USP7: variants seen among roughly 807,000 people sequenced by gnomAD.
USP7 encodes the protein ubiquitin C-terminal hydrolase 7.
A neutral mutation model predicts 162.9 loss-of-function variants in USP7; 9 were observed. That is an observed-to-expected ratio of 0.06 (90% CI 0.03 to 0.10). The LOEUF is 0.10. Among genes scored for constraint, USP7 ranks in the 10% least tolerant of loss-of-function variants. USP7 has a pLI of 1.00. For synonymous variants in USP7, 562 were observed against 475.9 expected, an observed-to-expected ratio of 1.18 and a Z score of -2.35; for missense variants, 715 against 1,373.7, an observed-to-expected ratio of 0.52 and a Z score of 7.58.
chr16:8,923,139 G>A, intron 3 of USP7, 76 bp downstream of exon 3: 2 of 1,144,906 alleles, frequency 1.7e-6, no homozygotes, highest in Non-Finnish European at 2.6e-6. Flanking sequence ...AGGCTATGTA[G>A]AGGCAGCAAA....
rs1419319278 is a variant in USP7, at chr16:8,920,401, G to C, written c.569C>G (p.Thr190Ser). The change falls in exon 5 of 31, where the codon ACC (threonine) becomes AGC (serine). Residue 190 changes from threonine to serine, a missense_variant. Thr to Ser is a moderately conservative substitution (Grantham distance 58, BLOSUM62 1). Coordinates refer to ENST00000344836, the MANE Select transcript of USP7 (RefSeq NM_003470.3). ...ATCCGCCTGTACAAAGACTTCAAAGGTAACTTTGTCATCATCTATAAATCC... is the reference window on the plus strand; with the variant it reads ...ATCCGCCTGTACAAAGACTTCAAAGCTAACTTTGTCATCATCTATAAATCC... Reference protein sequence around the residue: ...EKGFIDDDKVTFEVFVQADAP... With the variant: ...EKGFIDDDKVSFEVFVQADAP... 1.9e-6 allele frequency: 3 copies of C among 1,613,446 alleles called. No individual in the cohort carries two copies. Among genetic ancestry groups the C allele is most frequent in the African/African-American group, 1.3e-5 (1 of 74,892 alleles).
intron 1 of USP7, among the ~76,000 whole-genome samples, chr16:8,933,535 AACCT>A (rs1898496503): frequency 6.6e-6 from 1 of 152,238 alleles, no homozygotes; most frequent in Non-Finnish European, 1.5e-5. Context: ...GATACAGAAG[AACCT>A]ACTAGAGATT....
In USP7 at chr16:8,894,597, T is replaced by C. The variant is rs1483470814; in HGVS notation, c.3155A>G (p.Asn1052Ser). 6.2e-7 allele frequency: 1 copy of C among 1,613,816 alleles called. No homozygotes were observed. The highest frequency in any genetic ancestry group is 2.2e-5 in the East Asian group (1 of 44,880). The change falls in exon 30 of 31, where the codon AAT (asparagine) becomes AGT (serine). Residue 1052 changes from asparagine (N) to serine (S), a missense_variant. Asn to Ser is a conservative substitution (Grantham distance 46). Coordinates refer to ENST00000344836, the MANE Select transcript of USP7 (RefSeq NM_003470.3). ...IVMMGRHQYI[N>S]EDEYEVNLKD... The stretch of plus-strand genomic sequence containing the variant: ...CAAATTTACTTCATACTCGTCTTCA[T>C]TTATGTACTGGTGTCGGCCCATCAT...
chr16:8,961,631 G>C (rs1025790924), intron 1 of USP7, among the ~76,000 whole-genome samples: 1 of 151,942 alleles, frequency 6.6e-6, no homozygotes, highest in Non-Finnish European at 1.5e-5. Context: ...AAAACACCTG[G>C]AAAGCGGTAG....
At chr16:8,948,492 A>C (rs1899393037) in intron 1 of USP7, among the ~76,000 whole-genome samples, 1 of 152,172 alleles carries the variant, frequency 6.6e-6, no homozygotes, top group Non-Finnish European at 1.5e-5. Context: ...GCCCCCAGTT[A>C]ACTCAACTTA....
Position 8,963,741 on chromosome 16 carries a change from GC to G in USP7, c.-457del, listed in dbSNP as rs976878682. 6.9e-6 allele frequency among the ~76,000 whole-genome samples: 1 copy of G among 144,210 alleles called. No individual in the cohort carries two copies. The highest frequency in any genetic ancestry group is 2.5e-5 in the African/African-American group (1 of 40,314). The allele number at this position is 144,210 out of a possible 152,430, so 94.6% of individuals were successfully genotyped here. A position where few individuals can be genotyped will look rare whatever the true frequency, so the allele number is the denominator to read the frequency against. ...CTGGCCGGCCGCGGCGGGCCTGCGG[GC>G]CCTGGGGCCGGCGGGAGCGGCGGAG... On this transcript the variant is annotated 5_prime_UTR_variant, in exon 1 of 31. Coordinates refer to ENST00000344836, the MANE Select transcript of USP7 (RefSeq NM_003470.3).
chr16:8,958,097 T>G (rs1189818318), intron 1 of USP7, among the ~76,000 whole-genome samples: 1 of 151,964 alleles, frequency 6.6e-6, no homozygotes, highest in Non-Finnish European at 1.5e-5. Flanking sequence ...ACAAATAAAT[T>G]TAACAAAAAA....
intron 1 of USP7, among the ~76,000 whole-genome samples, chr16:8,956,591 G>A (rs970991381): frequency 6.6e-5 from 10 of 151,996 alleles, no homozygotes; most frequent in African/African-American, 1.4e-4. Flanking sequence ...ATGGTGAAAC[G>A]CCATCTCTAC....
At chr16:8,939,380 C>T (rs72768291) in intron 1 of USP7, among the ~76,000 whole-genome samples, 2,585 of 152,314 alleles carry the variant, frequency 0.017, 32 homozygotes, top group Non-Finnish European at 0.028. Context: ...TTCCTTTCTC[C>T]TGTACTCTAG....
chr16:8,931,489 C>G (rs1042191956), intron 1 of USP7, among the ~76,000 whole-genome samples: 6 of 152,184 alleles, frequency 3.9e-5, no homozygotes, highest in African/African-American at 1.4e-4. Context: ...CTTAAAACAT[C>G]AAATCATCAC....
intron 18 of USP7, 66 bp from the exon 19 acceptor site, chr16:8,901,300 AAAC>A: frequency 9.3e-7 from 1 of 1,079,454 alleles, no homozygotes; most frequent in Non-Finnish European, 1.3e-6. Flanking sequence ...AAAAACAAAA[AAAC>A]AAACAAACAA....
chr16:8,919,626 G>A (rs1336723373), intron 5 of USP7, among the ~76,000 whole-genome samples: 4 of 151,840 alleles, frequency 2.6e-5, no homozygotes, highest in South Asian at 2.1e-4. Context: ...TGATTTTGGT[G>A]GTTGTTTGGG....
chr16:8,955,704 CAA>C lies in USP7; in HGVS notation c.79+7501_79+7502del, dbSNP rs58029349. 1.0e-2 allele frequency among the ~76,000 whole-genome samples: 1,009 copies of C among 101,012 alleles called. 18 individuals carry two copies. Among genetic ancestry groups the C allele is most frequent in the African/African-American group, 0.03 (884 of 29,800 alleles). 66.3% of individuals were successfully genotyped at this position (101,012 alleles called of 152,430 possible). On this transcript the variant is annotated intron_variant, in intron 1 of 30. Transcript: ENST00000344836. Reference sequence around the variant, plus strand: ...CTGGCAACAGAGCACGATTCCATCTCAAAAAAAAAAAAAAAAAAAAAACATTG... The same window carrying C: ...CTGGCAACAGAGCACGATTCCATCTCAAAAAAAAAAAAAAAAAAAACATTG...
chr16:8,955,129 G>A (rs953695327), intron 1 of USP7, among the ~76,000 whole-genome samples: 10 of 152,044 alleles, frequency 6.6e-5, no homozygotes, highest in Non-Finnish European at 1.5e-4. Context: ...TTCTTCCCAC[G>A]TATGCTTGTT....
chr16:8,938,339 C>CA (rs55790221), intron 1 of USP7, among the ~76,000 whole-genome samples: 38,841 of 141,364 alleles, frequency 0.27, 5,474 homozygotes, highest in South Asian at 0.37. Flanking sequence ...ATAACACAGT[C>CA]AAAAAAAAAA....
At chr16:8,916,416 G>C in intron 8 of USP7, 86 bp downstream of exon 8, 1 of 660,352 alleles carries the variant, frequency 1.5e-6, no homozygotes, top group Non-Finnish European at 2.1e-6. Flanking sequence ...TTCTGAATTA[G>C]GTCTGAGGTT....
chr16:8,937,669 A>C (rs1898827177), intron 1 of USP7, among the ~76,000 whole-genome samples: 1 of 152,214 alleles, frequency 6.6e-6, no homozygotes, highest in Non-Finnish European at 1.5e-5. Flanking sequence ...GCAACAAAGC[A>C]AGACCCTGTC....
At chr16:8,956,098 G>A (rs1227047200) in intron 1 of USP7, among the ~76,000 whole-genome samples, 1 of 152,164 alleles carries the variant, frequency 6.6e-6, no homozygotes, top group Non-Finnish European at 1.5e-5. Flanking sequence ...AGAGCTGGAG[G>A]TTAGTACATA....
chr16:8,958,256 G>A (rs890116119), intron 1 of USP7, among the ~76,000 whole-genome samples: 5 of 152,210 alleles, frequency 3.3e-5, no homozygotes, highest in African/African-American at 1.2e-4. Context: ...GAAAGGCTTA[G>A]GGGAAAGGTG....
Sources: allele counts gnomAD v4.1 joint callset (sites outside exome capture counted in the v4.1 genomes callset), GRCh38; gene constraint gnomAD v4.1.1; transcripts MANE v1.5; gene names NCBI Gene and HGNC (gene_info 2026-07-23, HGNC 2026-07-21).